LSM14A: variants seen among roughly 807,000 people sequenced by gnomAD.
LSM14A encodes LSM14A mRNA processing body assembly factor.
A neutral mutation model predicts 52.4 loss-of-function variants in LSM14A; 14 were observed. The observed-to-expected ratio is 0.27, with a 90% CI of 0.18 to 0.42. The LOEUF (loss-of-function observed/expected upper bound fraction) is 0.42, where lower values mean the gene tolerates loss of function less well. LSM14A is among the 10% of genes least tolerant of loss of function. LSM14A has a pLI of 1.00. For synonymous variants in LSM14A, 185 were observed against 200.3 expected, an observed-to-expected ratio of 0.92 and a Z score of 0.64; for missense variants, 417 against 581.8, an observed-to-expected ratio of 0.72 and a Z score of 2.91.
At chr19:34,192,621 C>G (rs2070511127) in intron 1 of LSM14A, among the ~76,000 whole-genome samples, 1 of 104,984 alleles carries the variant, frequency 9.5e-6, no homozygotes, top group Non-Finnish European at 1.8e-5. Flanking sequence ...TGAGGCGCTG[C>G]ATCAGTTCTG....
chr19:34,217,255 CA>C (rs55881439), intron 6 of LSM14A, among the ~76,000 whole-genome samples: 30,005 of 110,218 alleles, frequency 0.27, 3,160 homozygotes, highest in Middle Eastern at 0.34. Flanking sequence ...GAGAGTCTGT[CA>C]AAAAAAAAAA....
chr19:34,191,268 TTGTGAA>T (rs1398683991), intron 1 of LSM14A, among the ~76,000 whole-genome samples: 1 of 152,222 alleles, frequency 6.6e-6, no homozygotes, highest in African/African-American at 2.4e-5. Flanking sequence ...TCTGTTTTTC[TTGTGAA>T]TGTCGAAGCA....
chr19:34,190,492 C>G (rs2070284333), intron 1 of LSM14A, among the ~76,000 whole-genome samples: 1 of 150,776 alleles, frequency 6.6e-6, no homozygotes, highest in African/African-American at 2.4e-5. Flanking sequence ...TTAACAAATT[C>G]TTTCAAATAA....
chr19:34,190,781 A>C (rs1377536574), intron 1 of LSM14A, among the ~76,000 whole-genome samples: 1 of 152,142 alleles, frequency 6.6e-6, no homozygotes, highest in African/African-American at 2.4e-5. Flanking sequence ...CTGTGTTGAA[A>C]TGAATTTATT....
chr19:34,207,226 G>A (rs547259672), intron 3 of LSM14A, among the ~76,000 whole-genome samples: 4 of 152,230 alleles, frequency 2.6e-5, no homozygotes, highest in African/African-American at 9.6e-5. Context: ...CATTGAATGC[G>A]TAATCCAGAG....
At chr19:34,209,201 A>G (rs542974354) in intron 4 of LSM14A, 150 bp downstream of exon 4, 14 of 565,688 alleles carry the variant, frequency 2.5e-5, no homozygotes, top group Admixed American at 1.0e-4. Context: ...CTGTATTGCA[A>G]TGAATATATT....
chr19:34,221,877 A>G, intron 9 of LSM14A, 139 bp downstream of exon 9: 1 of 1,424,466 alleles, frequency 7.0e-7, no homozygotes, highest in Middle Eastern at 2.0e-4. Flanking sequence ...AGTAGAGGAT[A>G]TACGTGATTC....
At position 34,177,266 on chromosome 19, in the gene LSM14A, T is replaced by C. The variant is rs1014463049; in HGVS notation, c.121+4503T>C. 2.6e-5 allele frequency among the ~76,000 whole-genome samples: 4 copies of C among 152,208 alleles called. No individual in the cohort carries two copies. In the East Asian group the frequency reaches 7.7e-4, roughly 29 times the overall value. On this transcript the variant is annotated intron_variant, in intron 1 of 9. Coordinates refer to ENST00000544216, the MANE Select transcript of LSM14A (RefSeq NM_015578.4). The stretch of plus-strand genomic sequence containing the variant: ...GTTTTTTATGGCTAGTGTTTCTTTT[T>C]TTAAAACATCATAGAGATACTTTGA...
At chr19:34,177,485 TGA>T in intron 1 of LSM14A, among the ~76,000 whole-genome samples, 1 of 152,222 alleles carries the variant, frequency 6.6e-6, no homozygotes, top group East Asian at 1.9e-4. Flanking sequence ...AAACTACTCT[TGA>T]AATTTTTGGC....
intron 4 of LSM14A, among the ~76,000 whole-genome samples, chr19:34,213,006 C>T (rs962196176): frequency 2.4e-4 from 36 of 152,118 alleles, no homozygotes; most frequent in Middle Eastern, 3.4e-3. Flanking sequence ...AAAAAATTAG[C>T]AAGGTGTGGT....
In LSM14A at chr19:34,181,656, A is replaced by G. The variant is rs1270004513; in HGVS notation, c.121+8893A>G. Among the ~76,000 whole-genome samples the G allele has an allele frequency of 2.6e-5, 4 of 152,098 alleles. No homozygotes were observed. The East Asian group carries it at 5.8e-4, about 22-fold the overall frequency. On this transcript the variant is annotated intron_variant, in intron 1 of 9. Transcript: ENST00000544216. The stretch of plus-strand genomic sequence containing the variant: ...GGCTGATTGAACCTGTAAGCCGCCA[A>G]ATGTTGGGAGAGCTCCAGGGCTCAG...
At chr19:34,208,813 A>G in intron 3 of LSM14A, 116 bp from the exon 4 acceptor site, 1 of 690,368 alleles carries the variant, frequency 1.4e-6, no homozygotes, top group Non-Finnish European at 2.3e-6. Context: ...ATTTGTACAG[A>G]TGCTGGGGGG....
chr19:34,221,768 G>T, intron 9 of LSM14A, 30 bp downstream of exon 9: 1 of 1,582,384 alleles, frequency 6.3e-7, no homozygotes. Flanking sequence ...AATTCTTTGG[G>T]GTTGACATGC....
At chr19:34,197,167 CT>C (rs1419416532) in intron 3 of LSM14A, among the ~76,000 whole-genome samples, 3 of 152,118 alleles carry the variant, frequency 2.0e-5, no homozygotes, top group Admixed American at 6.5e-5. Context: ...TCTTGGCTCA[CT>C]ACAACTTCCA....
intron 1 of LSM14A, among the ~76,000 whole-genome samples, chr19:34,182,138 C>G (rs1333503550): frequency 1.3e-5 from 2 of 152,132 alleles, no homozygotes; most frequent in African/African-American, 4.8e-5. Flanking sequence ...ATTCCTGTTT[C>G]TTGTTTCCAA....
chr19:34,207,167 G>A (rs1387135888), intron 3 of LSM14A, among the ~76,000 whole-genome samples: 10 of 152,006 alleles, frequency 6.6e-5, no homozygotes, highest in East Asian at 5.8e-4. Context: ...GGAGTAGAGC[G>A]AGGGGGGTGT....
intron 1 of LSM14A, among the ~76,000 whole-genome samples, chr19:34,179,551 C>T (rs542855001): frequency 2.0e-4 from 30 of 152,106 alleles, no homozygotes; most frequent in Non-Finnish European, 3.2e-4. Context: ...TTACATAGTC[C>T]GCAGAAATAC....
chr19:34,225,541 G>T (rs2073296461), intron 9 of LSM14A, among the ~76,000 whole-genome samples: 1 of 152,186 alleles, frequency 6.6e-6, no homozygotes, highest in African/African-American at 2.4e-5. Flanking sequence ...TGGTTTGGGG[G>T]TAAGCATAAA....
At chr19:34,212,292 A>T (rs546017140) in intron 4 of LSM14A, among the ~76,000 whole-genome samples, 11 of 152,268 alleles carry the variant, frequency 7.2e-5, no homozygotes, top group Middle Eastern at 3.4e-3. Flanking sequence ...GGCCCTGCAC[A>T]CTAGCCTAGG....
Sources: allele counts gnomAD v4.1 joint callset (sites outside exome capture counted in the v4.1 genomes callset), GRCh38; gene constraint gnomAD v4.1.1; transcripts MANE v1.5; gene names NCBI Gene and HGNC (gene_info 2026-07-23, HGNC 2026-07-21).